The following OSBPL9 variants were observed in gnomAD, a reference collection of about 807,000 sequenced individuals.
The protein encoded by OSBPL9 is oxysterol-binding protein-related protein 9.
A neutral mutation model predicts 106.6 loss-of-function variants in OSBPL9; 40 were observed. The ratio of observed to expected loss-of-function variants is 0.38; its 90% CI spans 0.29 to 0.49. OSBPL9 has a LOEUF of 0.49. Among genes scored for constraint, OSBPL9 ranks in the 20% least tolerant of loss-of-function variants. OSBPL9 has a pLI of 0.97. For missense variants in OSBPL9, 609 were observed against 887.2 expected (o/e 0.69, Z 3.98); for synonymous variants, 269 against 295.4 (o/e 0.91, Z 0.92).
intron 1 of OSBPL9, among the ~76,000 whole-genome samples, chr1:51,628,458 C>G (rs990342615): frequency 6.6e-6 from 1 of 151,600 alleles, no homozygotes. Context: ...GTGGCTCGTG[C>G]CTGTAATTTC....
chr1:51,781,527 G>A, intron 16 of OSBPL9, 192 bp downstream of exon 16: 1 of 551,468 alleles, frequency 1.8e-6, no homozygotes, highest in Non-Finnish European at 3.2e-6. Flanking sequence ...TGAGGATGGG[G>A]ATGTAGAAAT....
intron 4 of OSBPL9, among the ~76,000 whole-genome samples, chr1:51,725,879 T>C (rs1203073647): frequency 1.3e-5 from 2 of 152,158 alleles, no homozygotes; most frequent in Non-Finnish European, 2.9e-5. Context: ...TGCACTGAGC[T>C]TCCACCAATT....
At chr1:51,586,721 A>C (rs12086914) in intron 1 of OSBPL9, among the ~76,000 whole-genome samples, 2,969 of 152,226 alleles carry the variant, frequency 0.02, 90 homozygotes, top group African/African-American at 0.058. Context: ...AGCAGAGGCT[A>C]ATGTTTTGCC....
chr1:51,784,329 C>T lies in OSBPL9; in HGVS notation c.1688+2C>T, dbSNP rs747339668. On this transcript the variant is annotated splice_donor_variant, in intron 19 of 23. Transcript: ENST00000428468. LOFTEE classifies it low-confidence loss of function (GC_TO_GT_DONOR). ...CACATTCCCCAATGGCTATGGAAGG[C>T]AAGTGTGTCCATTTCCTCTGATCAG... 3 of 1,612,996 alleles carry T rather than the reference C, an allele frequency of 1.9e-6. No individual in the cohort carries two copies. The East Asian group carries it at 6.7e-5, about 36-fold the overall frequency.
chr1:51,589,008 G>A (rs1163418467), intron 1 of OSBPL9, among the ~76,000 whole-genome samples: 2 of 152,180 alleles, frequency 1.3e-5, no homozygotes, highest in African/African-American at 2.4e-5. Flanking sequence ...GCTTACATGG[G>A]AACTTTTTGG....
intron 3 of OSBPL9, among the ~76,000 whole-genome samples, chr1:51,681,919 TGGCTG>T: frequency 6.6e-6 from 1 of 152,336 alleles, no homozygotes; most frequent in East Asian, 1.9e-4. Flanking sequence ...TGTATTATTT[TGGCTG>T]GGCGTGGTGA....
chr1:51,558,664 C>T, the OSBPL9 span, among the ~76,000 whole-genome samples: 2 of 152,218 alleles, frequency 1.3e-5, no homozygotes, highest in South Asian at 4.1e-4. Flanking sequence ...GCCAAGCTAT[C>T]CTTAAAAAAA....
At chr1:51,761,253 TTG>T (rs1349500855) in intron 10 of OSBPL9, among the ~76,000 whole-genome samples, 12 of 147,392 alleles carry the variant, frequency 8.1e-5, no homozygotes, top group African/African-American at 2.1e-4. Context: ...GGGTTTTGTT[TTG>T]TTTTTTTTTT....
chr1:51,532,428 G>A, the OSBPL9 span, among the ~76,000 whole-genome samples: 6 of 152,134 alleles, frequency 3.9e-5, no homozygotes, highest in African/African-American at 1.4e-4. Flanking sequence ...TGAGTATGTG[G>A]GCATGGATGC....
At chr1:51,529,725 CCATATTCACATGCAACTA>C in the OSBPL9 span, among the ~76,000 whole-genome samples, 3 of 151,242 alleles carry the variant, frequency 2.0e-5, no homozygotes, top group African/African-American at 7.3e-5. Context: ...TGTTGAACTA[CCATATTCACATGCAACTA>C]CATATTCACA....
At chr1:51,719,615 G>A (rs1344120760) in intron 4 of OSBPL9, among the ~76,000 whole-genome samples, 3 of 152,042 alleles carry the variant, frequency 2.0e-5, no homozygotes, top group Non-Finnish European at 4.4e-5. Flanking sequence ...TGTCATACAG[G>A]TATAAAAATC....
chr1:51,783,276 A>T (rs1032402824), intron 17 of OSBPL9, among the ~76,000 whole-genome samples: 1 of 151,838 alleles, frequency 6.6e-6, no homozygotes, highest in Non-Finnish European at 1.5e-5. Context: ...CTGGGCTCAC[A>T]TGATCCTCCC....
At chr1:51,730,183 G>A in intron 4 of OSBPL9, 1 of 1,235,666 alleles carries the variant, frequency 8.1e-7, no homozygotes, top group African/African-American at 1.6e-5. Context: ...CAGTTCCTCA[G>A]CCTAGATGGG....
chr1:51,571,368 T>G, the OSBPL9 span, among the ~76,000 whole-genome samples: 1 of 152,172 alleles, frequency 6.6e-6, no homozygotes, highest in Admixed American at 6.5e-5. Context: ...TTGTCTACAT[T>G]TTAAATAATA....
chr1:51,598,490 G>C (rs1364842927), intron 2 of OSBPL9, among the ~76,000 whole-genome samples: 4 of 152,208 alleles, frequency 2.6e-5, no homozygotes. Flanking sequence ...CCGCTGTATT[G>C]TAGGATGCTT....
At chr1:51,610,949 T>C (rs1473842207) in intron 2 of OSBPL9, among the ~76,000 whole-genome samples, 1 of 152,186 alleles carries the variant, frequency 6.6e-6, no homozygotes, top group East Asian at 1.9e-4. Context: ...CACTGTTACA[T>C]GTTTGTTCAG....
chr1:51,716,019 A>G (rs1167334009), intron 4 of OSBPL9, among the ~76,000 whole-genome samples: 2 of 152,228 alleles, frequency 1.3e-5, no homozygotes, highest in Admixed American at 1.3e-4. Flanking sequence ...TGTTGACATC[A>G]TAAGTTCAGG....
rs555873886 is a variant in OSBPL9 at position 51,592,214 on chromosome 1, A to G, written c.-422-5910A>G. On this transcript the variant is annotated intron_variant, in intron 1 of 25. Coordinates refer to the OSBPL9 transcript ENST00000371714. ...ACTGCAAGCTCCGCCTCACAGGTTCAAGCGATTCTCCTGCCCCAGCCTCCC... is the reference window on the plus strand; with the variant it reads ...ACTGCAAGCTCCGCCTCACAGGTTCGAGCGATTCTCCTGCCCCAGCCTCCC... 1.0e-3 allele frequency among the ~76,000 whole-genome samples: 148 copies of G among 146,338 alleles called. 1 individual carries two copies. The highest frequency in any genetic ancestry group is 1.9e-3 in the Non-Finnish European group (125 of 67,402).
chr1:51,527,872 G>T, the OSBPL9 span, among the ~76,000 whole-genome samples: 1 of 151,966 alleles, frequency 6.6e-6, no homozygotes, highest in Non-Finnish European at 1.5e-5. Context: ...CAGCACTTTG[G>T]GAGACCGAGG....
Sources: gnomAD v4.1 joint callset for allele counts (sites outside exome capture counted in the v4.1 genomes callset) on GRCh38, gnomAD v4.1.1 for gene constraint, MANE v1.5 for transcripts, NCBI Gene and HGNC (gene_info 2026-07-23, HGNC 2026-07-21) for gene names.